The following CSMD3 variants were observed in gnomAD, a reference collection of about 807,000 sequenced individuals.
CSMD3 encodes CUB and Sushi multiple domains 3, also known as CUB and sushi domain-containing protein 3.
A neutral mutation model predicts 435.2 loss-of-function variants in CSMD3; 177 were observed. That is an observed-to-expected ratio of 0.41 (90% CI 0.36 to 0.46). The LOEUF (loss-of-function observed/expected upper bound fraction) is 0.46. Among genes scored for constraint, CSMD3 ranks in the 20% least tolerant of loss-of-function variants. The pLI, the probability that CSMD3 is intolerant of heterozygous loss-of-function variation, is 0.34. For missense variants in CSMD3, 4,265 were observed against 4,504.6 expected (o/e 0.95, Z 1.52); for synonymous variants, 1,656 against 1,520.5 (o/e 1.09, Z -2.07).
intron 17 of CSMD3, 142 bp downstream of exon 17, chr8:112,666,135 G>C (rs2075518627): frequency 1.4e-6 from 1 of 713,262 alleles, no homozygotes; most frequent in African/African-American, 1.8e-5. Context: ...GGTTAAAAGG[G>C]GGCAAACAGA....
At chr8:112,264,477 T>C (rs957896767) in intron 60 of CSMD3, among the ~76,000 whole-genome samples, 1 of 152,230 alleles carries the variant, frequency 6.6e-6, no homozygotes, top group Admixed American at 6.5e-5. Context: ...ACATGAGGAA[T>C]GACTGTATTA....
chr8:113,089,304 C>T (rs1439252034), intron 5 of CSMD3, among the ~76,000 whole-genome samples: 1 of 152,058 alleles, frequency 6.6e-6, no homozygotes, highest in East Asian at 1.9e-4. Context: ...TGTTCTATGC[C>T]AAAGGGTGTC....
At chr8:112,645,521 GTAAT>G (rs377564628) in intron 19 of CSMD3, among the ~76,000 whole-genome samples, 171 of 151,810 alleles carry the variant, frequency 1.1e-3, no homozygotes, top group Non-Finnish European at 2.3e-3. Flanking sequence ...TTAAACATGA[GTAAT>G]TAATTGTTTA....
intron 3 of CSMD3, among the ~76,000 whole-genome samples, chr8:113,252,643 A>AT (rs60271397): frequency 1.3e-5 from 2 of 152,012 alleles, no homozygotes; most frequent in Admixed American, 6.6e-5. Context: ...TGACAAATCA[A>AT]TTTTTTTATA....
At chr8:112,303,960 T>G (rs28735443) in intron 52 of CSMD3, among the ~76,000 whole-genome samples, 1 of 152,106 alleles carries the variant, frequency 6.6e-6, no homozygotes. Flanking sequence ...GCATATTTCC[T>G]GAAACAAAAC....
chr8:112,823,722 A>G (rs2079593354), intron 12 of CSMD3, among the ~76,000 whole-genome samples: 1 of 152,136 alleles, frequency 6.6e-6, no homozygotes, highest in Non-Finnish European at 1.5e-5. Context: ...GCATTTGCTG[A>G]GGAGTGTTTT....
chr8:113,386,722 C>A (rs1264344685), intron 1 of CSMD3, among the ~76,000 whole-genome samples: 1 of 151,800 alleles, frequency 6.6e-6, no homozygotes, highest in African/African-American at 2.4e-5. Flanking sequence ...GATCCACAGA[C>A]CACTACATCA....
intron 3 of CSMD3, among the ~76,000 whole-genome samples, chr8:113,209,967 T>C (rs540783116): frequency 6.6e-6 from 1 of 151,850 alleles, no homozygotes; most frequent in Non-Finnish European, 1.5e-5. Context: ...CAATTGACTC[T>C]GTTTATGAAA....
rs1239647962 is a variant in CSMD3 at position 112,645,051 on chromosome 8, AAT to A, written c.3310+56_3310+57del. The A allele has an allele frequency of 7.8e-6, 7 of 892,330 alleles. No homozygotes were observed. In the East Asian group the frequency reaches 1.7e-4, roughly 21 times the overall value. 55.3% of individuals were successfully genotyped at this position (892,330 alleles called of 1,614,324 possible). The stretch of plus-strand genomic sequence containing the variant: ...AACATGTAAAGGAAAGTGAAATAAG[AAT>A]AGACTCAATGAAAATTCAGAAGATA... On this transcript the variant is annotated intron_variant, in intron 20 of 70. Coordinates refer to ENST00000297405, the MANE Select transcript of CSMD3 (RefSeq NM_198123.2).
chr8:112,317,938 C>A (rs759732479), intron 47 of CSMD3, among the ~76,000 whole-genome samples: 28 of 152,022 alleles, frequency 1.8e-4, no homozygotes, highest in Non-Finnish European at 2.9e-4. Flanking sequence ...AAATACAACT[C>A]AATTGTATTC....
At chr8:112,892,004 C>A (rs967779896) in intron 10 of CSMD3, among the ~76,000 whole-genome samples, 1 of 151,364 alleles carries the variant, frequency 6.6e-6, no homozygotes, top group African/African-American at 2.4e-5. Context: ...GATCTTTATC[C>A]ATCTGGGATT....
chr8:112,489,993 T>G (rs1820530523), intron 31 of CSMD3, among the ~76,000 whole-genome samples: 1 of 152,184 alleles, frequency 6.6e-6, no homozygotes, highest in South Asian at 2.1e-4. Flanking sequence ...GATAAATTAT[T>G]TTTAATTAAT....
At chr8:112,339,581 C>G (rs1204231195) in intron 42 of CSMD3, among the ~76,000 whole-genome samples, 4 of 152,122 alleles carry the variant, frequency 2.6e-5, no homozygotes, top group Non-Finnish European at 5.9e-5. Flanking sequence ...GTTCAAAAAG[C>G]CAAGAATCCG....
intron 4 of CSMD3, among the ~76,000 whole-genome samples, chr8:113,160,215 G>A (rs1166300183): frequency 6.6e-6 from 1 of 151,768 alleles, no homozygotes; most frequent in African/African-American, 2.4e-5. Context: ...CATAACTTGT[G>A]AAGTCATAAT....
At chr8:113,119,668 C>A (rs1376807972) in intron 4 of CSMD3, among the ~76,000 whole-genome samples, 1 of 152,046 alleles carries the variant, frequency 6.6e-6, no homozygotes, top group African/African-American at 2.4e-5. Flanking sequence ...ACAATGTTCG[C>A]AGCAAATTTC....
intron 5 of CSMD3, among the ~76,000 whole-genome samples, chr8:113,066,489 G>A (rs192349949): frequency 1.3e-5 from 2 of 152,210 alleles, no homozygotes; most frequent in East Asian, 3.9e-4. Flanking sequence ...CAATCAGTAA[G>A]TGAAAATTTT....
At chr8:113,066,500 A>T (rs1040155395) in intron 5 of CSMD3, among the ~76,000 whole-genome samples, 2 of 152,152 alleles carry the variant, frequency 1.3e-5, no homozygotes, top group Non-Finnish European at 2.9e-5. Flanking sequence ...TGAAAATTTT[A>T]GTTAGCATAA....
chr8:112,458,215 C>CCACACCCACACACA (rs1554579457), intron 32 of CSMD3, among the ~76,000 whole-genome samples: 2 of 150,690 alleles, frequency 1.3e-5, no homozygotes, highest in African/African-American at 2.4e-5. Flanking sequence ...ACACTCACAC[C>CCACACCCACACACA]CACACACACA....
At chr8:112,278,213 CT>C (rs1325876083) in intron 59 of CSMD3, among the ~76,000 whole-genome samples, 6 of 152,118 alleles carry the variant, frequency 3.9e-5, no homozygotes, top group African/African-American at 9.7e-5. Flanking sequence ...ACCTGAGGGA[CT>C]TTTTTGTTGT....
Sources: allele counts gnomAD v4.1 joint callset (sites outside exome capture counted in the v4.1 genomes callset), GRCh38; gene constraint gnomAD v4.1.1; transcripts MANE v1.5; gene names NCBI Gene and HGNC (gene_info 2026-07-23, HGNC 2026-07-21).